Variants in TSNARE1 observed in about 807,000 individuals in gnomAD.
The protein encoded by TSNARE1 is t-SNARE domain containing 1.
Under a neutral mutation model 62.0 loss-of-function variants are expected in TSNARE1, and 49 were observed. That is an observed-to-expected ratio of 0.79 (90% confidence interval 0.63 to 1.00). The LOEUF (loss-of-function observed/expected upper bound fraction) is 1.00. Among genes scored for constraint, TSNARE1 ranks in the 50% least tolerant of loss-of-function variants. TSNARE1 has a pLI of 0.00. For synonymous variants in TSNARE1, 328 were observed against 294.4 expected (o/e 1.11, Z -1.17); for missense variants, 755 against 700.1 (o/e 1.08, Z -0.88).
intron 1 of TSNARE1, among the ~76,000 whole-genome samples, chr8:142,386,733 G>A (rs1463284314): frequency 4.6e-5 from 7 of 152,088 alleles, no homozygotes; most frequent in African/African-American, 1.4e-4. Context: ...GACAAAGAAG[G>A]GCACTTTGAT....
intron 4 of TSNARE1, among the ~76,000 whole-genome samples, chr8:142,340,996 CAA>C (rs1009634506): frequency 6.6e-6 from 1 of 152,226 alleles, no homozygotes; most frequent in African/African-American, 2.4e-5. Flanking sequence ...GTTTCAAAGT[CAA>C]AGACGAGGTA....
chr8:142,275,461 T>A, intron 11 of TSNARE1: 1 of 985,202 alleles, frequency 1.0e-6, no homozygotes, highest in South Asian at 4.7e-5. Context: ...GGAAGCCACA[T>A]CAGCAGGGCC....
chr8:142,236,075 C>T (rs1460376374), intron 12 of TSNARE1, among the ~76,000 whole-genome samples: 2 of 152,226 alleles, frequency 1.3e-5, no homozygotes, highest in Non-Finnish European at 2.9e-5. Context: ...CCAGCCACAG[C>T]CTCACCGCGT....
At chr8:142,278,758 A>T (rs1820916736) in intron 11 of TSNARE1, 1 of 985,272 alleles carries the variant, frequency 1.0e-6, no homozygotes. Context: ...CGTGCCTGAC[A>T]GGCTGAGAGT....
intron 12 of TSNARE1, among the ~76,000 whole-genome samples, chr8:142,266,416 TG>T (rs1819134572): frequency 6.6e-6 from 1 of 152,236 alleles, no homozygotes; most frequent in African/African-American, 2.4e-5. Context: ...GAAGGCCTGT[TG>T]GTGGTAAGCC....
At chr8:142,393,597 G>A (rs1407711268) in intron 1 of TSNARE1, among the ~76,000 whole-genome samples, 3 of 152,200 alleles carry the variant, frequency 2.0e-5, no homozygotes, top group Non-Finnish European at 4.4e-5. Context: ...CAAACGCCAC[G>A]CCCGAAGGTG....
chr8:142,344,184 T>C lies in TSNARE1; in HGVS notation c.527A>G (p.Tyr176Cys), dbSNP rs755837427. 1.8e-5 allele frequency: 29 copies of C among 1,613,456 alleles called. No individual in the cohort carries two copies. The East Asian group carries it at 6.0e-4, about 33-fold the overall frequency. ...CAGGTCCACAACGTCGCGGCGACAG[T>C]AGCCCAGCGCATTCACGGCCTGCAG... The part of the protein sequence containing the change: ...RILQAVNALG[Y>C]CRRDVVDLKH... The change falls in exon 4 of 14, where the codon TAC (tyrosine) becomes TGC (cysteine). Residue 176 changes from tyrosine (Y) to cysteine (C), a missense_variant. Physicochemically the swap from Tyr to Cys is radical, Grantham distance 194. Coordinates refer to ENST00000524325, the MANE Select transcript of TSNARE1 (RefSeq NM_145003.5).
At chr8:142,328,174 AACT>A (rs1830526978) in intron 6 of TSNARE1, among the ~76,000 whole-genome samples, 1 of 152,028 alleles carries the variant, frequency 6.6e-6, no homozygotes, top group Admixed American at 6.5e-5. Flanking sequence ...TAAAAAAAAA[AACT>A]AACTTCCTTC....
intron 2 of TSNARE1, among the ~76,000 whole-genome samples, chr8:142,352,904 C>T (rs890061653): frequency 1.3e-5 from 2 of 152,194 alleles, no homozygotes; most frequent in Non-Finnish European, 2.9e-5. Context: ...CTACACCCCA[C>T]GCACACGTGT....
At chr8:142,315,622 G>T (rs969532432) in intron 7 of TSNARE1, among the ~76,000 whole-genome samples, 3 of 151,794 alleles carry the variant, frequency 2.0e-5, no homozygotes, top group African/African-American at 7.2e-5. Flanking sequence ...GCACGGAGCC[G>T]GGGTGGGGCT....
rs113485965 is a variant in TSNARE1 at position 142,346,893 on chromosome 8, C to T, written c.89-1001G>A. Among the ~76,000 whole-genome samples, 84 of 152,364 alleles carry T rather than the reference C, an allele frequency of 5.5e-4. 3 individuals carry two copies. Among genetic ancestry groups the T allele is most frequent in the African/African-American group, 1.9e-3 (81 of 41,592 alleles). ...CGTCTAGGGGGACCCTACAGCCCAA[C>T]GTGACAGGGAGGGAAGGACTTTCCC... On this transcript the variant is annotated intron_variant, in intron 2 of 13. Transcript: ENST00000524325.
intron 12 of TSNARE1, among the ~76,000 whole-genome samples, chr8:142,231,024 CATCT>C (rs1189737411): frequency 6.6e-6 from 1 of 152,014 alleles, no homozygotes; most frequent in East Asian, 1.9e-4. Flanking sequence ...TCCATCCATC[CATCT>C]ACCCACCTAT....
intron 12 of TSNARE1, among the ~76,000 whole-genome samples, chr8:142,238,607 CA>C (rs1817547098): frequency 6.6e-6 from 1 of 151,950 alleles, no homozygotes; most frequent in Non-Finnish European, 1.5e-5. Context: ...CCCTCCACGC[CA>C]TTCTCCAGCC....
chr8:142,266,727 T>G (rs1819152986), intron 12 of TSNARE1, among the ~76,000 whole-genome samples: 1 of 152,230 alleles, frequency 6.6e-6, no homozygotes, highest in Non-Finnish European at 1.5e-5. Flanking sequence ...TTCCTGTGTC[T>G]GTGGAATCAC....
intron 11 of TSNARE1, chr8:142,277,551 C>T (rs933427837): frequency 4.1e-6 from 4 of 985,476 alleles, no homozygotes; most frequent in Non-Finnish European, 4.8e-6. Context: ...CCACCCTGTC[C>T]TCAGGCTTGG....
intron 13 of TSNARE1, among the ~76,000 whole-genome samples, chr8:142,229,271 A>G (rs561817089): frequency 6.6e-6 from 1 of 150,400 alleles, no homozygotes; most frequent in East Asian, 2.0e-4. Context: ...GGATGGGTGG[A>G]TGGATGGATG....
intron 12 of TSNARE1, among the ~76,000 whole-genome samples, chr8:142,246,121 C>T (rs74894505): frequency 1.9e-4 from 29 of 152,316 alleles, no homozygotes; most frequent in Admixed American, 7.8e-4. Context: ...CCACAGCCCC[C>T]GTCCCATAAG....
intron 10 of TSNARE1, 33 bp downstream of exon 10, chr8:142,300,453 G>C (rs752127063): frequency 6.3e-6 from 10 of 1,579,660 alleles, no homozygotes; most frequent in South Asian, 4.5e-5. Context: ...GTGGAGTGTG[G>C]AGAGTGAGCA....
intron 8 of TSNARE1, among the ~76,000 whole-genome samples, chr8:142,314,674 G>A (rs527886393): frequency 7.9e-5 from 12 of 152,330 alleles, no homozygotes; most frequent in South Asian, 2.1e-4. Context: ...CTCTGCCAGC[G>A]AGTCGCTGGA....
Sources: allele counts gnomAD v4.1 joint callset (sites outside exome capture counted in the v4.1 genomes callset), GRCh38; gene constraint gnomAD v4.1.1; transcripts MANE v1.5; gene names NCBI Gene and HGNC (gene_info 2026-07-23, HGNC 2026-07-21).